SGCD: variants seen among roughly 807,000 people sequenced by gnomAD.
SGCD encodes the protein sarcoglycan delta.
Under a neutral mutation model 36.6 loss-of-function variants are expected in SGCD, and 18 were observed. The ratio of observed to expected loss-of-function variants is 0.49; its 90% CI spans 0.34 to 0.73. The LOEUF is 0.73. Among genes scored for constraint, SGCD ranks in the 30% least tolerant of loss-of-function variants. The pLI is 0.01. For synonymous variants in SGCD, 133 were observed against 130.6 expected (o/e 1.02, Z -0.12); for missense variants, 387 against 346.7 (o/e 1.12, Z -0.92).
At chr5:155,963,148 C>T (rs1005080670) in intron 1 of SGCD, among the ~76,000 whole-genome samples, 1 of 152,040 alleles carries the variant, frequency 6.6e-6, no homozygotes, top group African/African-American at 2.4e-5. Flanking sequence ...ACCACCAAAG[C>T]AGTTCCTAAG....
the SGCD span, among the ~76,000 whole-genome samples, chr5:155,852,856 G>A: frequency 6.6e-6 from 1 of 152,044 alleles, no homozygotes; most frequent in African/African-American, 2.4e-5. Context: ...GCTTAAGGCA[G>A]AGTTGTTCAA....
At chr5:156,545,274 A>G (rs1485767668) in intron 4 of SGCD, among the ~76,000 whole-genome samples, 1 of 152,172 alleles carries the variant, frequency 6.6e-6, no homozygotes, top group Admixed American at 6.5e-5. Context: ...GAAAGGAAAG[A>G]GAAGTTTATC....
intron 3 of SGCD, among the ~76,000 whole-genome samples, chr5:156,401,770 T>A (rs1007506847): frequency 7.2e-5 from 11 of 152,064 alleles, no homozygotes; most frequent in African/African-American, 2.4e-4. Flanking sequence ...TTAAAAAAAA[T>A]TTTCATAAAC....
intron 3 of SGCD, among the ~76,000 whole-genome samples, chr5:156,135,606 A>G (rs1316034235): frequency 1.3e-5 from 2 of 152,180 alleles, no homozygotes; most frequent in African/African-American, 4.8e-5. Context: ...TCCTATGCAT[A>G]AATCCTTGCT....
At chr5:155,794,514 G>GAA in the SGCD span, among the ~76,000 whole-genome samples, 1 of 151,800 alleles carries the variant, frequency 6.6e-6, no homozygotes, top group Admixed American at 6.6e-5. Context: ...GAACATTGTA[G>GAA]AATTAAATAA....
At chr5:156,520,497 CAGAAGTAGAGAAAACTATTTT>C (rs555715008) in intron 4 of SGCD, among the ~76,000 whole-genome samples, 22 of 152,178 alleles carry the variant, frequency 1.4e-4, no homozygotes, top group East Asian at 5.8e-4. Flanking sequence ...ATGTTACTCA[CAGAAGTAGAGAAAACTATTTT>C]AGAAGTAGAG....
At chr5:156,335,712 G>A (rs1237858717) in intron 2 of SGCD, among the ~76,000 whole-genome samples, 6 of 152,162 alleles carry the variant, frequency 3.9e-5, no homozygotes, top group South Asian at 4.1e-4. Flanking sequence ...GGGTACCCTT[G>A]TGCAACTGGC....
intron 3 of SGCD, among the ~76,000 whole-genome samples, chr5:156,252,928 A>G (rs908917031): frequency 1.3e-5 from 2 of 152,230 alleles, no homozygotes; most frequent in Non-Finnish European, 2.9e-5. Flanking sequence ...AGGTACTACC[A>G]TTGAGAAGTG....
intron 4 of SGCD, among the ~76,000 whole-genome samples, chr5:156,587,392 AG>A (rs1391755800): frequency 2.0e-5 from 3 of 152,212 alleles, no homozygotes; most frequent in Admixed American, 1.3e-4. Context: ...AGGATTATTA[AG>A]GTAAGTAACT....
At chr5:155,965,048 T>C (rs1434218249) in intron 1 of SGCD, among the ~76,000 whole-genome samples, 1 of 152,070 alleles carries the variant, frequency 6.6e-6, no homozygotes, top group Non-Finnish European at 1.5e-5. Flanking sequence ...ATGAAGACTA[T>C]TGAAGACAAC....
the SGCD span, among the ~76,000 whole-genome samples, chr5:155,808,373 G>A: frequency 2.0e-5 from 3 of 152,168 alleles, no homozygotes; most frequent in East Asian, 5.8e-4. Context: ...CAATCTGGTT[G>A]CATTTTGTTC....
chr5:156,374,546 A>G (rs527819697), intron 3 of SGCD, among the ~76,000 whole-genome samples: 1 of 152,300 alleles, frequency 6.6e-6, no homozygotes, highest in African/African-American at 2.4e-5. Flanking sequence ...CGTTGATGGA[A>G]GAAAAAAAAT....
intron 3 of SGCD, among the ~76,000 whole-genome samples, chr5:156,174,781 A>G (rs1763426238): frequency 1.3e-5 from 2 of 152,190 alleles, no homozygotes; most frequent in Non-Finnish European, 2.9e-5. Context: ...AAAGATGTCA[A>G]ATAAGACTTC....
chr5:156,090,116 G>A (rs1184393948), intron 1 of SGCD, among the ~76,000 whole-genome samples: 1 of 152,134 alleles, frequency 6.6e-6, no homozygotes, highest in African/African-American at 2.4e-5. Context: ...CATCTTTCTG[G>A]TGTCCAGGAG....
At chr5:156,380,513 G>T (rs1770921714) in intron 3 of SGCD, among the ~76,000 whole-genome samples, 2 of 152,206 alleles carry the variant, frequency 1.3e-5, no homozygotes, top group Non-Finnish European at 2.9e-5. Context: ...CTTAGCAAAT[G>T]ACTTGCATGA....
chr5:156,371,693 G>A (rs1307084280), intron 3 of SGCD, among the ~76,000 whole-genome samples: 1 of 152,160 alleles, frequency 6.6e-6, no homozygotes, highest in African/African-American at 2.4e-5. Flanking sequence ...TTTCAGGGCA[G>A]CTTGATTACA....
At chr5:156,513,928 C>T (rs1438743000) in intron 4 of SGCD, among the ~76,000 whole-genome samples, 1 of 152,186 alleles carries the variant, frequency 6.6e-6, no homozygotes, top group East Asian at 1.9e-4. Flanking sequence ...CTAAATTAAG[C>T]ATTCAACCAT....
the SGCD span, among the ~76,000 whole-genome samples, chr5:155,779,885 T>G: frequency 6.6e-6 from 1 of 152,154 alleles, no homozygotes; most frequent in Non-Finnish European, 1.5e-5. Flanking sequence ...TAAATTTGTA[T>G]TTTTTTATTA....
chr5:155,873,930 C>T (rs1755710545), intron 1 of SGCD, among the ~76,000 whole-genome samples: 1 of 152,066 alleles, frequency 6.6e-6, no homozygotes, highest in Non-Finnish European at 1.5e-5. Context: ...TTAAAATCTT[C>T]CTTCTTTTCA....
Sources: allele counts gnomAD v4.1 joint callset (sites outside exome capture counted in the v4.1 genomes callset), GRCh38; gene constraint gnomAD v4.1.1; transcripts MANE v1.5; gene names NCBI Gene and HGNC (gene_info 2026-07-23, HGNC 2026-07-21).